The following CORO2B variants were observed in gnomAD, a reference collection of about 807,000 sequenced individuals.
The protein encoded by CORO2B is coronin-2B.
Under a neutral mutation model 58.8 loss-of-function variants are expected in CORO2B, and 26 were observed. The ratio of observed to expected loss-of-function variants is 0.44; its 90% CI spans 0.32 to 0.61. The LOEUF (loss-of-function observed/expected upper bound fraction) is 0.61, where lower values mean the gene tolerates loss of function less well. Among genes scored for constraint, CORO2B ranks in the 20% least tolerant of loss-of-function variants. CORO2B has a pLI of 0.04. For synonymous variants in CORO2B, 242 were observed against 253.8 expected (o/e 0.95, Z 0.44); for missense variants, 460 against 645.1 (o/e 0.71, Z 3.11).
At chr15:68,667,799 A>C (rs1315266274) in intron 2 of CORO2B, among the ~76,000 whole-genome samples, 4 of 152,248 alleles carry the variant, frequency 2.6e-5, no homozygotes, top group African/African-American at 9.6e-5. Context: ...GTTGCTGGAA[A>C]GGAAAGAGAC....
chr15:68,602,674 G>GC (rs1195592551), intron 1 of CORO2B, among the ~76,000 whole-genome samples: 2 of 151,900 alleles, frequency 1.3e-5, no homozygotes, highest in East Asian at 3.9e-4. Flanking sequence ...TCCGTTTATT[G>GC]CCCCCCCTTG....
At chr15:68,567,834 A>C in the CORO2B span, among the ~76,000 whole-genome samples, 1 of 152,116 alleles carries the variant, frequency 6.6e-6, no homozygotes, top group African/African-American at 2.4e-5. Flanking sequence ...AGCCTGACCA[A>C]GATAGTGAAA....
At chr15:68,658,253 G>A (rs1359128417) in intron 2 of CORO2B, among the ~76,000 whole-genome samples, 1 of 152,244 alleles carries the variant, frequency 6.6e-6, no homozygotes, top group Non-Finnish European at 1.5e-5. Flanking sequence ...CCTGGACCAG[G>A]GAGAGGGAAC....
At chr15:68,640,044 G>A (rs1901159235) in intron 1 of CORO2B, among the ~76,000 whole-genome samples, 3 of 152,152 alleles carry the variant, frequency 2.0e-5, no homozygotes, top group South Asian at 4.1e-4. Flanking sequence ...CCTCTCTCTG[G>A]CAGAGTAGGG....
chr15:68,712,541 C>T (rs536430750), intron 5 of CORO2B, among the ~76,000 whole-genome samples: 16 of 152,252 alleles, frequency 1.1e-4, no homozygotes, highest in African/African-American at 1.9e-4. Context: ...ATTCTGACAT[C>T]GGAAACAATC....
the CORO2B span, among the ~76,000 whole-genome samples, chr15:68,571,722 C>T: frequency 2.7e-4 from 41 of 152,180 alleles, no homozygotes; most frequent in Admixed American, 9.2e-4. Context: ...ACAGCTGTAA[C>T]CGGTAACCTG....
chr15:68,588,279 TCTC>T (rs1415964090), intron 1 of CORO2B, among the ~76,000 whole-genome samples: 8 of 152,214 alleles, frequency 5.3e-5, no homozygotes, highest in Admixed American at 5.2e-4. Flanking sequence ...GAAAAGTTCA[TCTC>T]TTCCAAACAG....
intron 2 of CORO2B, among the ~76,000 whole-genome samples, chr15:68,648,873 G>A (rs1458230014): frequency 6.6e-6 from 1 of 152,208 alleles, no homozygotes; most frequent in Admixed American, 6.5e-5. Flanking sequence ...AATATTTAAA[G>A]ATGCATGTCT....
At chr15:68,670,327 AC>A (rs1596002746) in intron 2 of CORO2B, among the ~76,000 whole-genome samples, 1 of 152,196 alleles carries the variant, frequency 6.6e-6, no homozygotes, top group East Asian at 1.9e-4. Context: ...GGTGTGCACC[AC>A]TAAGCCTGGT....
chr15:68,642,182 G>A (rs995073852), intron 1 of CORO2B, among the ~76,000 whole-genome samples: 3 of 151,996 alleles, frequency 2.0e-5, no homozygotes, highest in African/African-American at 7.3e-5. Flanking sequence ...GATTACAGGT[G>A]CCTGCCACCA....
At chr15:68,534,514 A>G in the CORO2B span, among the ~76,000 whole-genome samples, 152 of 152,342 alleles carry the variant, frequency 1.0e-3, no homozygotes, top group African/African-American at 3.6e-3. Context: ...TCACTTTAGG[A>G]ATTTATTTGC....
chr15:68,585,371 A>T (rs1899524905), intron 1 of CORO2B, among the ~76,000 whole-genome samples: 1 of 152,212 alleles, frequency 6.6e-6, no homozygotes, highest in South Asian at 2.1e-4. Flanking sequence ...AATCACCATC[A>T]TCATGATAAT....
the CORO2B span, among the ~76,000 whole-genome samples, chr15:68,555,021 T>TG: frequency 6.6e-6 from 1 of 152,216 alleles, no homozygotes; most frequent in South Asian, 2.1e-4. Context: ...ACCACATGGC[T>TG]GGGGCTGGGG....
chr15:68,641,317 G>A (rs758804039), intron 1 of CORO2B, among the ~76,000 whole-genome samples: 1 of 152,194 alleles, frequency 6.6e-6, no homozygotes, highest in East Asian at 1.9e-4. Context: ...GCTGGGCTGT[G>A]GGGGCAACAG....
At chr15:68,596,728 G>C (rs1899839620) in intron 1 of CORO2B, among the ~76,000 whole-genome samples, 1 of 152,204 alleles carries the variant, frequency 6.6e-6, no homozygotes, top group Non-Finnish European at 1.5e-5. Context: ...TTCAGGCCTT[G>C]GGGATGGTGT....
chr15:68,632,267 C>A, intron 1 of CORO2B: 1 of 985,530 alleles, frequency 1.0e-6, no homozygotes, highest in African/African-American at 1.7e-5. Context: ...GCAGCCCTGA[C>A]AACTTGGATG....
At chr15:68,648,589 G>T (rs961652558) in intron 2 of CORO2B, among the ~76,000 whole-genome samples, 2 of 152,056 alleles carry the variant, frequency 1.3e-5, no homozygotes, top group Non-Finnish European at 2.9e-5. Flanking sequence ...GGTGGAGCTT[G>T]CAGTGAGCCA....
chr15:68,564,517 G>T, the CORO2B span, among the ~76,000 whole-genome samples: 1 of 151,988 alleles, frequency 6.6e-6, no homozygotes, highest in Non-Finnish European at 1.5e-5. Flanking sequence ...TTGCCATGTT[G>T]CCCAGGCTGG....
chr15:68,604,280 A>T (rs878986308), intron 1 of CORO2B, among the ~76,000 whole-genome samples: 11 of 152,234 alleles, frequency 7.2e-5, no homozygotes, highest in Admixed American at 6.5e-5. Context: ...TCTCAGTAGC[A>T]GCTTCTACCA....
Sources: gnomAD v4.1 joint callset for allele counts (sites outside exome capture counted in the v4.1 genomes callset) on GRCh38, gnomAD v4.1.1 for gene constraint, MANE v1.5 for transcripts, NCBI Gene and HGNC (gene_info 2026-07-23, HGNC 2026-07-21) for gene names.